C10orf90: variants seen among roughly 807,000 people sequenced by gnomAD.
C10orf90 encodes (E2-independent) E3 ubiquitin-conjugating enzyme FATS.
In C10orf90, 56 loss-of-function variants were observed where a neutral mutation model predicts 62.5. The ratio of observed to expected loss-of-function variants is 0.90; its 90% CI spans 0.72 to 1.12. C10orf90 has a LOEUF of 1.12. C10orf90 is among the 50% of genes most tolerant of loss of function. The pLI is 0.00. For missense variants in C10orf90, 970 were observed against 880.4 expected (o/e 1.10, Z -1.29); for synonymous variants, 386 against 340.4 (o/e 1.13, Z -1.47).
At chr10:126,516,255 T>C (rs916616853) in intron 2 of C10orf90, among the ~76,000 whole-genome samples, 3 of 152,214 alleles carry the variant, frequency 2.0e-5, no homozygotes, top group Non-Finnish European at 4.4e-5. Flanking sequence ...GGATATCGTA[T>C]GGAAAGCATT....
At chr10:126,476,185 G>A (rs531179864) in intron 4 of C10orf90, among the ~76,000 whole-genome samples, 9 of 152,282 alleles carry the variant, frequency 5.9e-5, no homozygotes, top group Non-Finnish European at 1.0e-4. Context: ...AAAAGGCCCC[G>A]AGTTCCACTT....
intron 2 of C10orf90, among the ~76,000 whole-genome samples, chr10:126,625,997 C>G (rs2133822272): frequency 6.6e-6 from 1 of 152,156 alleles, no homozygotes. Context: ...GGTATGGTGG[C>G]AGATGCCTGT....
intron 2 of C10orf90, among the ~76,000 whole-genome samples, chr10:126,553,019 A>G (rs1864673415): frequency 6.6e-6 from 1 of 152,210 alleles, no homozygotes; most frequent in Admixed American, 6.5e-5. Context: ...AATCACTTCC[A>G]CATAAATAAT....
intron 4 of C10orf90, among the ~76,000 whole-genome samples, chr10:126,477,971 C>T (rs893144808): frequency 4.6e-5 from 7 of 152,190 alleles, no homozygotes; most frequent in African/African-American, 1.4e-4. Flanking sequence ...TGCTGACTCA[C>T]GCCCCTGGCA....
At chr10:126,582,318 C>G (rs1224862206) in intron 2 of C10orf90, among the ~76,000 whole-genome samples, 1 of 152,230 alleles carries the variant, frequency 6.6e-6, no homozygotes, top group Non-Finnish European at 1.5e-5. Flanking sequence ...TCAATATCTT[C>G]TCCACTTTGG....
Position 126,425,521 on chromosome 10 carries a change from C to T in C10orf90, c.*343G>A. On this transcript the variant is annotated 3_prime_UTR_variant, in exon 10 of 10. Transcript: ENST00000488181. ...AAGATTCCCCAGGGATGTAAACAAA[C>T]TTGCTTGTATCAGGCCTCTCTGATG... is the stretch of plus-strand genomic sequence containing the variant. The T allele has an allele frequency of 9.6e-6, 3 of 312,244 alleles. No homozygotes were observed. Among genetic ancestry groups the T allele is most frequent in the Non-Finnish European group, 1.7e-5 (3 of 171,496 alleles). 19.3% of individuals were successfully genotyped at this position (312,244 alleles called of 1,614,324 possible). A position where few individuals can be genotyped will look rare whatever the true frequency, so the allele number is the denominator to read the frequency against.
chr10:126,488,955 T>A (rs1861575676), intron 4 of C10orf90, among the ~76,000 whole-genome samples: 1 of 151,954 alleles, frequency 6.6e-6, no homozygotes, highest in African/African-American at 2.4e-5. Flanking sequence ...TACCAAACAC[T>A]TACAGAAGAA....
In C10orf90 at chr10:126,445,046, AC is replaced by A. The variant is rs1330957736; in HGVS notation, c.2188+13993del. Among the ~76,000 whole-genome samples the A allele has an allele frequency of 2.6e-5, 4 of 152,326 alleles. No homozygotes were observed. In the East Asian group the frequency reaches 5.8e-4, roughly 22 times the overall value. On this transcript the variant is annotated intron_variant, in intron 7 of 9. Coordinates refer to ENST00000488181, the MANE Select transcript of C10orf90 (RefSeq NM_001350921.2). ...GATGGATTAAGGACTTAAATCTAAG[AC>A]CTGAAACTGTAAATATTCTAGAAGA...
chr10:126,435,551 A>G (rs1250184528), intron 7 of C10orf90, among the ~76,000 whole-genome samples: 1 of 152,198 alleles, frequency 6.6e-6, no homozygotes, highest in African/African-American at 2.4e-5. Context: ...ACTGGCAGCC[A>G]CAAGCCTCCC....
chr10:126,669,501 T>C (rs1025722134), intron 1 of C10orf90, among the ~76,000 whole-genome samples: 1 of 152,220 alleles, frequency 6.6e-6, no homozygotes, highest in African/African-American at 2.4e-5. Context: ...GATGGGTAAA[T>C]GAGCTATATG....
At chr10:126,448,017 C>CTTTTTT (rs1186409126) in intron 7 of C10orf90, among the ~76,000 whole-genome samples, 38 of 79,218 alleles carry the variant, frequency 4.8e-4, no homozygotes, top group Admixed American at 8.2e-4. Flanking sequence ...ATGCCTGGCT[C>CTTTTTT]TTTTTTTTTT....
intron 2 of C10orf90, among the ~76,000 whole-genome samples, chr10:126,586,213 A>T (rs941742795): frequency 2.0e-5 from 3 of 152,222 alleles, no homozygotes; most frequent in African/African-American, 7.2e-5. Flanking sequence ...TCACAAACCA[A>T]TATCAGGTGG....
intron 1 of C10orf90, among the ~76,000 whole-genome samples, chr10:126,647,497 G>A (rs1202495181): frequency 6.6e-6 from 1 of 152,216 alleles, no homozygotes; most frequent in African/African-American, 2.4e-5. Flanking sequence ...CAGCTCTGGG[G>A]TTGCAGAGGG....
chr10:126,489,206 A>G (rs1436580159), intron 4 of C10orf90, among the ~76,000 whole-genome samples: 2 of 152,156 alleles, frequency 1.3e-5, no homozygotes, highest in Non-Finnish European at 2.9e-5. Context: ...TATCCTGGAA[A>G]TAGTTAATGT....
Position 126,434,945 on chromosome 10 carries a change from C to T in C10orf90, c.2189-5095G>A, listed in dbSNP as rs576619237. 1.1e-4 allele frequency among the ~76,000 whole-genome samples: 17 copies of T among 152,270 alleles called. No individual in the cohort carries two copies. In the South Asian group the frequency reaches 3.3e-3, roughly 30 times the overall value. On this transcript the variant is annotated intron_variant, in intron 7 of 9. Coordinates refer to ENST00000488181, the MANE Select transcript of C10orf90 (RefSeq NM_001350921.2). ...AGAAATTAAACAGCACAGGTTACAC[C>T]ATATGAAGGTGAGTTAACGACTCAT...
intron 2 of C10orf90, among the ~76,000 whole-genome samples, chr10:126,548,207 T>C (rs1183911283): frequency 6.6e-6 from 1 of 152,202 alleles, no homozygotes. Context: ...AAAATTTGTA[T>C]TGAAATTCAA....
At chr10:126,562,713 G>T (rs1413585705) in intron 2 of C10orf90, among the ~76,000 whole-genome samples, 6 of 152,214 alleles carry the variant, frequency 3.9e-5, no homozygotes, top group Non-Finnish European at 7.3e-5. Context: ...CCTATAGCCT[G>T]CTGCTAAGAG....
intron 4 of C10orf90, among the ~76,000 whole-genome samples, chr10:126,489,631 C>T (rs1015518743): frequency 1.3e-5 from 2 of 151,836 alleles, no homozygotes; most frequent in Non-Finnish European, 2.9e-5. Context: ...GGTGGGGATG[C>T]CAAATGGAGC....
chr10:126,427,679 C>A (rs1857338792), intron 8 of C10orf90, among the ~76,000 whole-genome samples: 1 of 152,186 alleles, frequency 6.6e-6, no homozygotes, highest in African/African-American at 2.4e-5. Context: ...CATCAGACTC[C>A]AGATTCTTCG....
Sources: allele counts gnomAD v4.1 joint callset (sites outside exome capture counted in the v4.1 genomes callset), GRCh38; gene constraint gnomAD v4.1.1; transcripts MANE v1.5; gene names NCBI Gene and HGNC (gene_info 2026-07-23, HGNC 2026-07-21).